IL22RA1: variants seen among roughly 807,000 people sequenced by gnomAD.
The protein encoded by IL22RA1 is interleukin 22 receptor subunit alpha 1.
A neutral mutation model predicts 32.8 loss-of-function variants in IL22RA1; 25 were observed. That is an observed-to-expected ratio of 0.76 (90% CI 0.55 to 1.06). The LOEUF (loss-of-function observed/expected upper bound fraction) is 1.06, where lower values mean the gene tolerates loss of function less well. Among genes scored for constraint, IL22RA1 ranks in the 50% least tolerant of loss-of-function variants. The pLI is 0.00. For synonymous variants in IL22RA1, 305 were observed against 305.0 expected, an observed-to-expected ratio of 1.00 and a Z score of 0.00; for missense variants, 709 against 727.4, an observed-to-expected ratio of 0.97 and a Z score of 0.29.
At chr1:24,133,007 CCTCAT>C (rs1235646958) in intron 4 of IL22RA1, among the ~76,000 whole-genome samples, 2 of 151,528 alleles carry the variant, frequency 1.3e-5, no homozygotes, top group Non-Finnish European at 2.9e-5. Flanking sequence ...CTCTTCGTTC[CCTCAT>C]CTAGACAATG....
At chr1:24,125,973 GGTATC>G (rs1273232328) in intron 5 of IL22RA1, among the ~76,000 whole-genome samples, 1 of 152,148 alleles carries the variant, frequency 6.6e-6, no homozygotes, top group East Asian at 1.9e-4. Flanking sequence ...AGGAAAAAAT[GGTATC>G]TCATTATAAG....
At position 24,138,577 on chromosome 1, in the gene IL22RA1, C is replaced by A. The variant is rs373063989; in HGVS notation, c.176+5G>T. 2.5e-5 allele frequency: 40 copies of A among 1,613,972 alleles called. No individual in the cohort carries two copies. Among genetic ancestry groups the A allele is most frequent in the Admixed American group, 3.3e-5 (2 of 59,996 alleles). On this transcript the variant is annotated splice_donor_5th_base_variant and intron_variant, in intron 2 of 6. Coordinates refer to ENST00000270800, the MANE Select transcript of IL22RA1 (RefSeq NM_021258.4). ...AAAGGAGGTGGGGTCAAGAGAGAAG[C>A]CTACGTCTTATACTCGATGCTGTAG...
chr1:24,142,693 C>T (rs896528185), intron 1 of IL22RA1, among the ~76,000 whole-genome samples: 4 of 152,184 alleles, frequency 2.6e-5, no homozygotes, highest in South Asian at 2.1e-4. Flanking sequence ...CAAACTGTGC[C>T]GACACCGTTT....
chr1:24,140,593 G>A (rs989222503), intron 1 of IL22RA1, among the ~76,000 whole-genome samples: 1 of 152,228 alleles, frequency 6.6e-6, no homozygotes, highest in African/African-American at 2.4e-5. Flanking sequence ...GGGAAGGGCA[G>A]TGAGGGCCTG....
chr1:24,142,873 T>G (rs927424774), intron 1 of IL22RA1, among the ~76,000 whole-genome samples, 167 bp downstream of exon 1: 3 of 152,164 alleles, frequency 2.0e-5, no homozygotes, highest in Non-Finnish European at 2.9e-5. Flanking sequence ...CCCAGCAAAC[T>G]AAGCTGGGCA....
chr1:24,128,530 C>CAT (rs56091453), intron 4 of IL22RA1, among the ~76,000 whole-genome samples: 55,941 of 147,484 alleles, frequency 0.38, 11,645 homozygotes, highest in East Asian at 0.59. Flanking sequence ...TGGTTATATA[C>CAT]ATATATATAT....
rs985690344 is a variant in IL22RA1, at chr1:24,128,138, C to T, written c.670+3G>A. ...ACCTCCCTCTGGTTTCAGCCGAACT[C>T]ACCTGGCAGTGTCTTCACTCGGCAC... On this transcript the variant is annotated splice_donor_region_variant and intron_variant, in intron 5 of 6. Coordinates refer to ENST00000270800, the MANE Select transcript of IL22RA1 (RefSeq NM_021258.4). 6 of 1,525,874 alleles carry T rather than the reference C, an allele frequency of 3.9e-6. No homozygotes were observed. The highest frequency in any genetic ancestry group is 3.5e-6 in the Non-Finnish European group (4 of 1,134,274). The allele number at this position is 1,525,874 out of a possible 1,614,324, so 94.5% of individuals were successfully genotyped here.
chr1:24,138,597 C>T lies in IL22RA1; in HGVS notation c.161G>A (p.Ser54Asn). ...GPEGTPDTVY[S>N]IEYKTYGERD... ...AGAAGCCTACGTCTTATACTCGATG[C>T]TGTAGACCGTGTCTGGGGTGCCCTC... Residue 54 changes from serine (S) to asparagine (N), a missense_variant, in exon 2 of 7, where the codon AGC (serine) becomes AAC (asparagine). Transcript: ENST00000270800. The T allele has an allele frequency of 6.2e-7, 1 of 1,614,154 alleles. No individual in the cohort carries two copies. Among genetic ancestry groups the T allele is most frequent in the Non-Finnish European group, 8.5e-7 (1 of 1,180,012 alleles).
intron 1 of IL22RA1, among the ~76,000 whole-genome samples, chr1:24,142,247 G>T (rs537424848): frequency 2.7e-4 from 41 of 152,338 alleles, no homozygotes; most frequent in African/African-American, 9.6e-4. Context: ...CGTGGGCCTC[G>T]TCCTGCACTT....
chr1:24,120,710 G>C lies in IL22RA1; in HGVS notation c.*95C>G, dbSNP rs561037617. ...AAGGGCACCCGTCTGAGGCCAGATC[G>C]CAGAGTGTGTGGCGTGGGCAGGCAT... is the stretch of plus-strand genomic sequence containing the variant. On this transcript the variant is annotated 3_prime_UTR_variant, in exon 7 of 7. Coordinates refer to ENST00000270800, the MANE Select transcript of IL22RA1 (RefSeq NM_021258.4). 5.8e-5 allele frequency: 71 copies of C among 1,217,922 alleles called. No individual in the cohort carries two copies. Among genetic ancestry groups the C allele is most frequent in the Non-Finnish European group, 8.0e-5 (69 of 864,072 alleles). The allele number at this position is 1,217,922 out of a possible 1,614,324, so 75.4% of individuals were successfully genotyped here.
At chr1:24,140,029 T>G (rs143285572) in intron 1 of IL22RA1, among the ~76,000 whole-genome samples, 2 of 152,212 alleles carry the variant, frequency 1.3e-5, no homozygotes, top group Admixed American at 1.3e-4. Flanking sequence ...GAACTTCAAT[T>G]GCCTCATCTC....
rs917936067 is a variant in IL22RA1 at position 24,120,694 on chromosome 1, C to T, written c.*111G>A. On this transcript the variant is annotated 3_prime_UTR_variant, in exon 7 of 7. Coordinates refer to ENST00000270800, the MANE Select transcript of IL22RA1 (RefSeq NM_021258.4). Reference sequence around the variant, plus strand: ...TCCCTCTGCTTCTCTCAAGGGCACCCGTCTGAGGCCAGATCGCAGAGTGTG... The same window carrying T: ...TCCCTCTGCTTCTCTCAAGGGCACCTGTCTGAGGCCAGATCGCAGAGTGTG... 17 of 1,065,558 alleles carry T rather than the reference C, an allele frequency of 1.6e-5. No homozygotes were observed. Among genetic ancestry groups the T allele is most frequent in the South Asian group, 3.3e-5 (2 of 60,632 alleles). 66.0% of individuals were successfully genotyped at this position (1,065,558 alleles called of 1,614,324 possible).
chr1:24,139,779 C>T (rs1644268230), intron 1 of IL22RA1, among the ~76,000 whole-genome samples: 1 of 152,186 alleles, frequency 6.6e-6, no homozygotes, highest in African/African-American at 2.4e-5. Context: ...TAAATTCCCA[C>T]CAGCATTGTT....
chr1:24,123,557 G>A (rs962230712), intron 5 of IL22RA1, 134 bp from the exon 6 acceptor site: 2 of 1,492,150 alleles, frequency 1.3e-6, no homozygotes, highest in Non-Finnish European at 1.8e-6. Flanking sequence ...CCGTCAGAAT[G>A]CAAGATCACA....
At position 24,121,420 on chromosome 1, in the gene IL22RA1, G is replaced by C. The variant is rs147185249; in HGVS notation, c.1110C>G (p.Pro370=). The C allele has an allele frequency of 1.9e-6, 3 of 1,550,014 alleles. No individual in the cohort carries two copies. The highest frequency in any genetic ancestry group is 2.6e-6 in the Non-Finnish European group (3 of 1,146,338). ...GGGCGTAGAATGGGAATTGAGCTTC[G>C]GGGGTCACCTGAGGTGCATAGGATG... The part of the protein sequence containing the change: ...GPPSYAPQVT[P]EAQFPFYAPQ... Residue 370 remains proline, a synonymous_variant, in exon 7 of 7, where the codon CCC becomes CCG. Coordinates refer to ENST00000270800, the MANE Select transcript of IL22RA1 (RefSeq NM_021258.4).
chr1:24,128,072 G>A (rs1443649558), intron 5 of IL22RA1, 69 bp downstream of exon 5: 8 of 1,440,288 alleles, frequency 5.6e-6, no homozygotes, highest in Non-Finnish European at 7.4e-6. Flanking sequence ...CTTGGTTACA[G>A]GGAGGAAAGA....
At chr1:24,131,406 G>T (rs1452715757) in intron 4 of IL22RA1, among the ~76,000 whole-genome samples, 1 of 152,150 alleles carries the variant, frequency 6.6e-6, no homozygotes, top group African/African-American at 2.4e-5. Context: ...AATAACAGAG[G>T]CAGATTGAAA....
chr1:24,135,609 G>T (rs1644236150), intron 3 of IL22RA1, among the ~76,000 whole-genome samples: 1 of 152,198 alleles, frequency 6.6e-6, no homozygotes, highest in Non-Finnish European at 1.5e-5. Flanking sequence ...AAGGAAAGAG[G>T]TTTAACTGAC....
At chr1:24,138,458 T>C in intron 2 of IL22RA1, 124 bp downstream of exon 2, 2 of 991,320 alleles carry the variant, frequency 2.0e-6, no homozygotes, top group South Asian at 3.2e-5. Context: ...AAGCTTTATC[T>C]GGGAGGGGCT....
Sources: allele counts gnomAD v4.1 joint callset (sites outside exome capture counted in the v4.1 genomes callset), GRCh38; gene constraint gnomAD v4.1.1; transcripts MANE v1.5; gene names NCBI Gene and HGNC (gene_info 2026-07-23, HGNC 2026-07-21).